The following CDH13 variants were observed in gnomAD, a reference collection of about 807,000 sequenced individuals.
CDH13 encodes the protein cadherin 13.
Under a neutral mutation model 63.8 loss-of-function variants are expected in CDH13, and 24 were observed. That is an observed-to-expected ratio of 0.38 (90% confidence interval 0.27 to 0.53). The LOEUF (loss-of-function observed/expected upper bound fraction) is 0.53, where lower values mean the gene tolerates loss of function less well. CDH13 is among the 20% of genes least tolerant of loss of function. The pLI is 0.85. For missense variants in CDH13, 1,049 were observed against 903.1 expected (o/e 1.16, Z -2.07); for synonymous variants, 503 against 355.3 (o/e 1.42, Z -4.67).
At chr16:82,703,293 T>G (rs1329907114) in intron 1 of CDH13, among the ~76,000 whole-genome samples, 1 of 152,108 alleles carries the variant, frequency 6.6e-6, no homozygotes, top group Non-Finnish European at 1.5e-5. Flanking sequence ...GCCCTACTTA[T>G]GTTCCGTCCC....
chr16:83,496,261 A>C (rs1490304621), intron 7 of CDH13, among the ~76,000 whole-genome samples: 1 of 148,374 alleles, frequency 6.7e-6, no homozygotes, highest in African/African-American at 2.5e-5. Context: ...TTCAAACTAT[A>C]CTACAAGGCT....
At chr16:82,686,317 G>A (rs1028852634) in intron 1 of CDH13, among the ~76,000 whole-genome samples, 2 of 152,098 alleles carry the variant, frequency 1.3e-5, no homozygotes, top group African/African-American at 4.8e-5. Context: ...GTCTCCTCCT[G>A]GTTCTGCGGA....
Position 83,415,832 on chromosome 16 carries a change from A to C in CDH13, c.782-70645A>C, listed in dbSNP as rs530390828. 2.0e-5 allele frequency among the ~76,000 whole-genome samples: 3 copies of C among 152,298 alleles called. No individual in the cohort carries two copies. In the South Asian group the frequency reaches 6.2e-4, roughly 32 times the overall value. On this transcript the variant is annotated intron_variant, in intron 6 of 13. Coordinates refer to ENST00000567109, the MANE Select transcript of CDH13 (RefSeq NM_001257.5). ...TGATAAAACTAAAAGCTTACCTTCT[A>C]AGATCAGAAACAAGATAGGGATACT... is the stretch of plus-strand genomic sequence containing the variant.
chr16:82,632,126 C>T (rs1394153354), intron 1 of CDH13, among the ~76,000 whole-genome samples: 1 of 152,174 alleles, frequency 6.6e-6, no homozygotes, highest in African/African-American at 2.4e-5. Context: ...AGGGCTGAGT[C>T]ACTACTGCCC....
At chr16:82,964,320 C>A (rs1178679065) in intron 2 of CDH13, among the ~76,000 whole-genome samples, 1 of 152,184 alleles carries the variant, frequency 6.6e-6, no homozygotes, top group Non-Finnish European at 1.5e-5. Flanking sequence ...AAAGGGCTTA[C>A]TAGACTGAAA....
At chr16:83,027,338 C>T (rs1915911532) in intron 2 of CDH13, among the ~76,000 whole-genome samples, 1 of 152,054 alleles carries the variant, frequency 6.6e-6, no homozygotes, top group African/African-American at 2.4e-5. Context: ...ATAAAAGGTT[C>T]TATGGGAAGG....
rs191749706 is a variant in CDH13 at position 82,854,470 on chromosome 16, T to C, written c.46-3892T>C. Among the ~76,000 whole-genome samples the C allele has an allele frequency of 2.7e-3, 408 of 152,208 alleles. 1 individual carries two copies. Among genetic ancestry groups the C allele is most frequent in the Admixed American group, 4.1e-3 (63 of 15,294 alleles). ...CAGTAACTAGAACATTCTACTATTA[T>C]TGACTAGTAAGATATTTAGCTTTTG... On this transcript the variant is annotated intron_variant, in intron 1 of 13. Transcript: ENST00000567109.
intron 3 of CDH13, among the ~76,000 whole-genome samples, chr16:83,050,711 G>A (rs1051829968): frequency 6.6e-6 from 1 of 151,926 alleles, no homozygotes; most frequent in Non-Finnish European, 1.5e-5. Context: ...ATCTCCACCC[G>A]TACATTTCAC....
intron 5 of CDH13, among the ~76,000 whole-genome samples, chr16:83,249,142 G>C (rs544120895): frequency 6.6e-6 from 1 of 152,310 alleles, no homozygotes; most frequent in East Asian, 1.9e-4. Context: ...TTCTCCCTGA[G>C]TGAGTCCCTT....
intron 7 of CDH13, among the ~76,000 whole-genome samples, chr16:83,602,082 C>CAAAAAAA (rs576973198): frequency 6.2e-5 from 2 of 32,278 alleles, no homozygotes; most frequent in Non-Finnish European, 9.7e-5. Context: ...GACTCTGTCT[C>CAAAAAAA]AAAAAAAAAA....
At chr16:83,597,008 A>G (rs1179511263) in intron 7 of CDH13, among the ~76,000 whole-genome samples, 1 of 152,204 alleles carries the variant, frequency 6.6e-6, no homozygotes, top group Non-Finnish European at 1.5e-5. Flanking sequence ...GGATCACTTG[A>G]GCCCAGGAGT....
At chr16:82,916,384 G>C (rs1398224718) in intron 2 of CDH13, among the ~76,000 whole-genome samples, 1 of 152,094 alleles carries the variant, frequency 6.6e-6, no homozygotes, top group Non-Finnish European at 1.5e-5. Context: ...GACCAGCCTG[G>C]CCAACATCGT....
intron 4 of CDH13, among the ~76,000 whole-genome samples, chr16:83,127,980 CCAAGA>C (rs1203833914): frequency 6.6e-6 from 1 of 152,114 alleles, no homozygotes; most frequent in African/African-American, 2.4e-5. Context: ...TCCTGGGAGC[CCAAGA>C]TGCCAGATGC....
intron 3 of CDH13, among the ~76,000 whole-genome samples, chr16:83,040,652 T>C (rs1917252337): frequency 6.6e-6 from 1 of 152,092 alleles, no homozygotes; most frequent in South Asian, 2.1e-4. Flanking sequence ...TGGGTCTGCC[T>C]CTCCCAGTCT....
intron 4 of CDH13, among the ~76,000 whole-genome samples, chr16:83,167,342 C>T (rs886780305): frequency 2.0e-5 from 3 of 151,604 alleles, no homozygotes; most frequent in Non-Finnish European, 4.4e-5. Context: ...ACTAAAAATA[C>T]AAAAATTAGC....
chr16:83,425,439 G>C (rs1225931710), intron 6 of CDH13, among the ~76,000 whole-genome samples: 1 of 152,182 alleles, frequency 6.6e-6, no homozygotes, highest in Admixed American at 6.5e-5. Context: ...TCTTGGCCAG[G>C]GGCCAATTAA....
chr16:83,062,568 T>A (rs903088838), intron 3 of CDH13, among the ~76,000 whole-genome samples: 3 of 152,152 alleles, frequency 2.0e-5, no homozygotes, highest in Admixed American at 2.0e-4. Context: ...TTCTTCTCTA[T>A]GTAACAGGAA....
At position 83,180,526 on chromosome 16, in the gene CDH13, T is replaced by G. The variant is rs1355475973; in HGVS notation, c.484-36819T>G. Among the ~76,000 whole-genome samples the G allele has an allele frequency of 5.3e-5, 8 of 152,332 alleles. No individual in the cohort carries two copies. In the East Asian group the frequency reaches 1.5e-3, roughly 29 times the overall value. On this transcript the variant is annotated intron_variant, in intron 4 of 13. Coordinates refer to ENST00000567109, the MANE Select transcript of CDH13 (RefSeq NM_001257.5). ...TTGGTGGTAGCTAACTGAAATGACA[T>G]CAGATCTGTAAAGAAGTGTCCCATC...
intron 1 of CDH13, among the ~76,000 whole-genome samples, chr16:82,846,594 G>A (rs2039266366): frequency 6.6e-6 from 1 of 152,166 alleles, no homozygotes; most frequent in Non-Finnish European, 1.5e-5. Context: ...TTTCGACCCA[G>A]TTAGTCTAGC....
Sources: allele counts gnomAD v4.1 joint callset (sites outside exome capture counted in the v4.1 genomes callset), GRCh38; gene constraint gnomAD v4.1.1; transcripts MANE v1.5; gene names NCBI Gene and HGNC (gene_info 2026-07-23, HGNC 2026-07-21).